OSBPL8: variants seen among roughly 807,000 people sequenced by gnomAD.
OSBPL8 encodes oxysterol binding protein like 8, also known as oxysterol-binding protein-related protein 8.
OSBPL8 carries 59 observed loss-of-function variants against 125.5 expected under a neutral mutation model. That is an observed-to-expected ratio of 0.47 (90% CI 0.38 to 0.58). The LOEUF is 0.58. Among genes scored for constraint, OSBPL8 ranks in the 20% least tolerant of loss-of-function variants. The pLI, the probability that OSBPL8 is intolerant of heterozygous loss-of-function variation, is 0.00. For missense variants in OSBPL8, 758 were observed against 1,047.8 expected, an observed-to-expected ratio of 0.72 and a Z score of 3.82; for synonymous variants, 330 against 338.9, an observed-to-expected ratio of 0.97 and a Z score of 0.29.
At chr12:76,475,467 T>C (rs1302931336) in intron 2 of OSBPL8, among the ~76,000 whole-genome samples, 1 of 152,258 alleles carries the variant, frequency 6.6e-6, no homozygotes, top group African/African-American at 2.4e-5. Context: ...AGTCTGTTTT[T>C]TCAGGTGGTC....
chr12:76,463,738 A>C (rs2136855926), intron 2 of OSBPL8, among the ~76,000 whole-genome samples: 1 of 152,350 alleles, frequency 6.6e-6, no homozygotes, highest in East Asian at 1.9e-4. Context: ...ATACAAAAGC[A>C]CTGAACTGGG....
intron 16 of OSBPL8, among the ~76,000 whole-genome samples, chr12:76,377,775 C>G (rs902323304): frequency 4.6e-5 from 7 of 152,118 alleles, no homozygotes; most frequent in African/African-American, 1.7e-4. Flanking sequence ...AGGTAAACCA[C>G]CTGGGTTCAG....
intron 2 of OSBPL8, among the ~76,000 whole-genome samples, chr12:76,469,777 C>T (rs1325750688): frequency 6.6e-6 from 1 of 152,074 alleles, no homozygotes; most frequent in African/African-American, 2.4e-5. Context: ...TCTTTCTCTA[C>T]TGAAATGTTA....
chr12:76,502,774 A>T (rs2137125754), intron 1 of OSBPL8, among the ~76,000 whole-genome samples: 1 of 152,314 alleles, frequency 6.6e-6, no homozygotes, highest in South Asian at 2.1e-4. Flanking sequence ...GGGTAAATGA[A>T]TACAGAAGGG....
chr12:76,451,546 C>T (rs1440392961), intron 3 of OSBPL8, among the ~76,000 whole-genome samples: 2 of 152,158 alleles, frequency 1.3e-5, no homozygotes, highest in Non-Finnish European at 2.9e-5. Context: ...TTGCCTGAGG[C>T]TAAACAGTAA....
At chr12:76,548,022 G>T (rs2137474588) in intron 1 of OSBPL8, among the ~76,000 whole-genome samples, 1 of 152,192 alleles carries the variant, frequency 6.6e-6, no homozygotes, top group East Asian at 1.9e-4. Context: ...TAATTTCTAT[G>T]AATAAATCTG....
At chr12:76,413,211 A>G (rs1339214677) in intron 4 of OSBPL8, among the ~76,000 whole-genome samples, 1 of 152,224 alleles carries the variant, frequency 6.6e-6, no homozygotes, top group Non-Finnish European at 1.5e-5. Flanking sequence ...TCCCAAATCA[A>G]GAAATAGAGA....
chr12:76,418,010 CTT>C (rs35319213), intron 4 of OSBPL8, among the ~76,000 whole-genome samples: 23 of 111,582 alleles, frequency 2.1e-4, no homozygotes, highest in African/African-American at 6.9e-4. Context: ...TTTTCACTAC[CTT>C]TTTTTTTTTT....
intron 2 of OSBPL8, chr12:76,486,072 T>C (rs1878098032): frequency 4.8e-6 from 2 of 417,506 alleles, no homozygotes; most frequent in Non-Finnish European, 9.5e-6. Context: ...ACAACAGCCT[T>C]CTTCATAAGC....
At chr12:76,528,899 T>A (rs1246083702) in intron 1 of OSBPL8, among the ~76,000 whole-genome samples, 1 of 151,778 alleles carries the variant, frequency 6.6e-6, no homozygotes, top group South Asian at 2.1e-4. Context: ...ACTTTAAAAT[T>A]TCATCAAATT....
rs1228268515 is a variant in OSBPL8 at position 76,419,409 on chromosome 12, C to A, written c.218-8775G>T. Reference sequence around the variant, plus strand: ...TCTAAAGAGAAGCCAGGTATTCAAACAAAAATTATAATACAGTAAAATAAC... The same window carrying A: ...TCTAAAGAGAAGCCAGGTATTCAAAAAAAAATTATAATACAGTAAAATAAC... On this transcript the variant is annotated intron_variant, in intron 4 of 23. Transcript: ENST00000261183. 5.3e-5 allele frequency among the ~76,000 whole-genome samples: 8 copies of A among 152,190 alleles called. No individual in the cohort carries two copies. In the East Asian group the frequency reaches 1.5e-3, roughly 29 times the overall value.
chr12:76,483,495 T>C (rs1283672196), intron 2 of OSBPL8, among the ~76,000 whole-genome samples: 1 of 128,340 alleles, frequency 7.8e-6, no homozygotes. Context: ...ATCAGGGAGA[T>C]GGAGGTTCCA....
chr12:76,435,177 T>C (rs1042396988), intron 4 of OSBPL8, among the ~76,000 whole-genome samples: 1 of 151,954 alleles, frequency 6.6e-6, no homozygotes, highest in Non-Finnish European at 1.5e-5. Flanking sequence ...TGTGTGTGTG[T>C]GTGTGTGTGC....
At chr12:76,533,520 T>G (rs1047283656) in intron 1 of OSBPL8, among the ~76,000 whole-genome samples, 1 of 152,204 alleles carries the variant, frequency 6.6e-6, no homozygotes, top group Admixed American at 6.5e-5. Context: ...TGACTGATCT[T>G]GCAATCCACT....
intron 23 of OSBPL8, 141 bp from the exon 24 acceptor site, chr12:76,356,162 T>TGGGGGGGGGATGGGGGGGGG: frequency 7.6e-6 from 1 of 131,834 alleles, no homozygotes; most frequent in Non-Finnish European, 1.6e-5. Flanking sequence ...TATGTAGGGG[T>TGGGGGGGGGATGGGGGGGGG]GGGGGGGGGC....
intron 2 of OSBPL8, among the ~76,000 whole-genome samples, chr12:76,472,040 G>C (rs576580581): frequency 6.6e-6 from 1 of 152,248 alleles, no homozygotes; most frequent in South Asian, 2.1e-4. Context: ...ATCTCATCCA[G>C]TATGAATTAA....
chr12:76,441,737 T>C (rs1187341871), intron 4 of OSBPL8, among the ~76,000 whole-genome samples: 1 of 151,972 alleles, frequency 6.6e-6, no homozygotes, highest in African/African-American at 2.4e-5. Context: ...ATCAAAACGA[T>C]TGAACCCATG....
At chr12:76,386,829 T>A (rs775406813) in intron 12 of OSBPL8, among the ~76,000 whole-genome samples, 169 bp from the exon 13 acceptor site, 10 of 152,222 alleles carry the variant, frequency 6.6e-5, no homozygotes, top group Non-Finnish European at 1.3e-4. Flanking sequence ...AATCAATTTC[T>A]GTTTTTCTTA....
intron 5 of OSBPL8, among the ~76,000 whole-genome samples, chr12:76,410,122 T>C (rs1257487986): frequency 1.3e-5 from 2 of 152,308 alleles, no homozygotes; most frequent in East Asian, 3.9e-4. Flanking sequence ...TCATAAACTA[T>C]GTCTTATTCT....
Sources: gnomAD v4.1 joint callset for allele counts (sites outside exome capture counted in the v4.1 genomes callset) on GRCh38, gnomAD v4.1.1 for gene constraint, MANE v1.5 for transcripts, NCBI Gene and HGNC (gene_info 2026-07-23, HGNC 2026-07-21) for gene names.